The following CHM variants were observed in gnomAD, a reference collection of about 807,000 sequenced individuals.
CHM encodes the protein rab proteins geranylgeranyltransferase component A 1.
Under a neutral mutation model 49.0 loss-of-function variants are expected in CHM, and 10 were observed. The ratio of observed to expected loss-of-function variants is 0.20; its 90% CI spans 0.13 to 0.35. The LOEUF is 0.35. Ranked by LOEUF, CHM falls within the 10% of genes least tolerant of loss-of-function variation. CHM has a pLI of 1.00. For synonymous variants in CHM, 184 were observed against 167.5 expected (o/e 1.10, Z -0.76); for missense variants, 455 against 478.4 (o/e 0.95, Z 0.46).
intron 14 of CHM, among the ~76,000 whole-genome samples, chrX:85,866,705 A>G (rs772400437): frequency 1.8e-5 from 2 of 113,228 alleles, no homozygotes; most frequent in African/African-American, 6.4e-5. Context: ...GAACTGCCCA[A>G]GGCTGTGGGA....
chrX:85,940,429 T>G (rs1260187530), intron 8 of CHM, among the ~76,000 whole-genome samples: 1 of 111,753 alleles, frequency 8.9e-6, no homozygotes, highest in Non-Finnish European at 1.9e-5. Flanking sequence ...ATATACTGAG[T>G]TGGAGCAAAC....
Position 85,875,585 on chromosome X carries a change from C to A in CHM, c.1610-2373G>T, listed in dbSNP as rs1167234254. On this transcript the variant is annotated intron_variant, in intron 13 of 14. Coordinates refer to ENST00000357749, the MANE Select transcript of CHM (RefSeq NM_000390.4). ...GAGTAAACTATGTTAGTAATACCAG[C>A]AGAGTGGTGGAGACTGTCATAGCCC... 3.6e-5 allele frequency among the ~76,000 whole-genome samples: 4 copies of A among 111,679 alleles called. No homozygotes were observed. In the Admixed American group the frequency reaches 3.8e-4, roughly 11 times the overall value.
chrX:86,031,836 G>C (rs973471919), intron 1 of CHM, among the ~76,000 whole-genome samples: 6 of 109,238 alleles, frequency 5.5e-5, no homozygotes, highest in African/African-American at 1.7e-4. Context: ...GAAAAACTCC[G>C]TCTCAAAAAA....
chrX:85,941,597 C>A (rs1033170312), intron 8 of CHM, among the ~76,000 whole-genome samples: 8 of 111,301 alleles, frequency 7.2e-5, no homozygotes, highest in African/African-American at 2.6e-4. Flanking sequence ...AAAGACTATT[C>A]AACTGAAGTT....
chrX:86,003,832 C>A (rs1279013010), intron 2 of CHM, among the ~76,000 whole-genome samples: 1 of 111,962 alleles, frequency 8.9e-6, no homozygotes, highest in African/African-American at 3.3e-5. Flanking sequence ...AGTTGGAAAA[C>A]GCTCTTGAGG....
chrX:85,888,321 T>C (rs1257010138), intron 12 of CHM, among the ~76,000 whole-genome samples: 1 of 112,083 alleles, frequency 8.9e-6, no homozygotes, highest in Non-Finnish European at 1.9e-5. Flanking sequence ...AAACACAATA[T>C]TTCAATTTTC....
chrX:85,930,060 C>CCATT (rs1569416506), intron 8 of CHM, among the ~76,000 whole-genome samples: 1 of 111,621 alleles, frequency 9.0e-6, no homozygotes, highest in Non-Finnish European at 1.9e-5. Context: ...CGAGATCATG[C>CCATT]CATTGCACTC....
At chrX:85,929,263 G>C (rs1182684969) in intron 8 of CHM, among the ~76,000 whole-genome samples, 4 of 111,413 alleles carry the variant, frequency 3.6e-5, no homozygotes, top group Admixed American at 2.9e-4. Flanking sequence ...CTTCTGACTA[G>C]AGAGCTCTTC....
chrX:85,962,303 T>G (rs2147673008), intron 5 of CHM, among the ~76,000 whole-genome samples: 1 of 111,797 alleles, frequency 8.9e-6, no homozygotes, highest in African/African-American at 3.2e-5. Flanking sequence ...GTGGAAAAAA[T>G]GCTAGATTTC....
intron 4 of CHM, chrX:85,970,366 A>G: frequency 1.3e-6 from 1 of 747,004 alleles, no homozygotes; most frequent in Non-Finnish European, 1.6e-6. Context: ...ATAGTATTCC[A>G]GTAAATTAAA....
At chrX:86,007,850 A>C (rs903129106) in intron 2 of CHM, among the ~76,000 whole-genome samples, 2 of 112,117 alleles carry the variant, frequency 1.8e-5, no homozygotes, top group African/African-American at 3.2e-5. Flanking sequence ...TTGGTGTGGC[A>C]ATTCCTCAGG....
chrX:85,962,483 AG>A (rs1462320972), intron 5 of CHM, among the ~76,000 whole-genome samples: 30 of 112,424 alleles, frequency 2.7e-4, no homozygotes, highest in African/African-American at 9.4e-4. Context: ...TCAAGTTCAA[AG>A]GGAGCAAGAG....
intron 8 of CHM, among the ~76,000 whole-genome samples, chrX:85,926,792 T>C (rs1928109166): frequency 9.0e-6 from 1 of 111,513 alleles, no homozygotes; most frequent in Non-Finnish European, 1.9e-5. Context: ...CCATTTTTAA[T>C]AGAGATTTTT....
chrX:85,958,058 T>C, intron 6 of CHM, 83 bp from the exon 7 acceptor site: 1 of 1,100,121 alleles, frequency 9.1e-7, no homozygotes, highest in Non-Finnish European at 1.2e-6. Flanking sequence ...CCCCTTTACA[T>C]ATAACAGGAT....
intron 8 of CHM, among the ~76,000 whole-genome samples, chrX:85,925,442 C>T (rs1928026513): frequency 9.0e-6 from 1 of 110,785 alleles, no homozygotes; most frequent in Admixed American, 9.6e-5. Flanking sequence ...TGCTATTTGC[C>T]CCATCTTTAT....
intron 2 of CHM, among the ~76,000 whole-genome samples, chrX:86,021,148 A>ATATATGTG (rs1273037080): frequency 7.6e-5 from 4 of 52,678 alleles, no homozygotes; most frequent in Non-Finnish European, 1.3e-4. Context: ...ATATATATAT[A>ATATATGTG]TATATATATA....
At chrX:86,047,416 C>A in intron 1 of CHM, 68 bp downstream of exon 1, 3 of 1,054,379 alleles carry the variant, frequency 2.8e-6, no homozygotes, top group Non-Finnish European at 4.0e-6. Flanking sequence ...AAACTCGCCA[C>A]TGACAGAAAA....
chrX:85,922,857 G>A lies in CHM; in HGVS notation c.1167-11519C>T, dbSNP rs770286786. 1.8e-3 allele frequency among the ~76,000 whole-genome samples: 203 copies of A among 111,527 alleles called. 2 individuals are homozygous for A. Among genetic ancestry groups the A allele is most frequent in the Middle Eastern group, 4.6e-3 (1 of 219 alleles). On this transcript the variant is annotated intron_variant, in intron 8 of 14. Coordinates refer to ENST00000357749, the MANE Select transcript of CHM (RefSeq NM_000390.4). Reference sequence around the variant, plus strand: ...ATAAGGTTTTACTCTATTCAGCAAGGCCATCAAAAAAGCCTTCAAATGAGT... The same window carrying A: ...ATAAGGTTTTACTCTATTCAGCAAGACCATCAAAAAAGCCTTCAAATGAGT...
At chrX:86,023,897 G>A (rs1261276809) in intron 2 of CHM, among the ~76,000 whole-genome samples, 1 of 111,804 alleles carries the variant, frequency 8.9e-6, no homozygotes, top group Non-Finnish European at 1.9e-5. Flanking sequence ...ACTGTGCTAG[G>A]TGCTGGAGAT....
Sources: allele counts gnomAD v4.1 joint callset (sites outside exome capture counted in the v4.1 genomes callset), GRCh38; gene constraint gnomAD v4.1.1; transcripts MANE v1.5; gene names NCBI Gene and HGNC (gene_info 2026-07-23, HGNC 2026-07-21).